Variants in DNAJC5B observed in about 807,000 individuals in gnomAD.
DNAJC5B encodes the protein DnaJ heat shock protein family (Hsp40) member C5 beta.
A neutral mutation model predicts 24.7 loss-of-function variants in DNAJC5B; 23 were observed. The ratio of observed to expected loss-of-function variants is 0.93; its 90% CI spans 0.67 to 1.32. The LOEUF (loss-of-function observed/expected upper bound fraction) is 1.32. DNAJC5B is among the 40% of genes most tolerant of loss of function. DNAJC5B has a pLI of 0.00. For missense variants in DNAJC5B, 238 were observed against 240.8 expected (o/e 0.99, Z 0.08); for synonymous variants, 101 against 90.1 (o/e 1.12, Z -0.68).
intron 1 of DNAJC5B, among the ~76,000 whole-genome samples, chr8:66,025,910 G>A (rs1806231177): frequency 1.0e-5 from 1 of 96,828 alleles, no homozygotes; most frequent in East Asian, 2.0e-4. Flanking sequence ...TGGCGATGCG[G>A]GCTCTTTTTT....
chr8:66,046,464 G>A (rs1037334670), intron 2 of DNAJC5B, among the ~76,000 whole-genome samples: 1 of 152,222 alleles, frequency 6.6e-6, no homozygotes, highest in Non-Finnish European at 1.5e-5. Context: ...AGGATTAGAT[G>A]AGATACTAGT....
intron 2 of DNAJC5B, among the ~76,000 whole-genome samples, chr8:66,044,167 A>T (rs906234784): frequency 3.3e-5 from 5 of 152,306 alleles, no homozygotes; most frequent in African/African-American, 1.2e-4. Flanking sequence ...GAGAATTATT[A>T]CTTTTAAACA....
At position 66,100,647 on chromosome 8, in the gene DNAJC5B, A is replaced by AAAAAC. The variant is rs950752654; in HGVS notation, c.*632_*636dup. 1.3e-5 allele frequency: 2 copies of AAAAAC among 152,226 alleles called. No individual in the cohort carries two copies. Among genetic ancestry groups the AAAAAC allele is most frequent in the African/African-American group, 4.8e-5 (2 of 41,456 alleles). 9.4% of individuals were successfully genotyped at this position (152,226 alleles called of 1,614,324 possible). The stretch of plus-strand genomic sequence containing the variant: ...TTTGTGTGTACTTTTAGATTGGCTT[A>AAAAAC]AAAACAAAACAAAACAAAACTTCAA... On this transcript the variant is annotated 3_prime_UTR_variant, in exon 6 of 6. Coordinates refer to ENST00000276570, the MANE Select transcript of DNAJC5B (RefSeq NM_033105.6).
chr8:66,021,385 G>A (rs953177), upstream of DNAJC5B, among the ~76,000 whole-genome samples: 27,273 of 152,178 alleles, frequency 0.18, 5,213 homozygotes, highest in African/African-American at 0.48. Flanking sequence ...GAATGGCAGA[G>A]CAAATGGAAA....
intron 2 of DNAJC5B, among the ~76,000 whole-genome samples, chr8:66,045,429 G>A (rs987531515): frequency 1.3e-5 from 2 of 152,178 alleles, no homozygotes; most frequent in African/African-American, 4.8e-5. Context: ...TTCATTTAGT[G>A]GGAATAGATT....
intron 1 of DNAJC5B, among the ~76,000 whole-genome samples, chr8:66,026,584 G>C (rs868620340): frequency 6.6e-6 from 1 of 152,220 alleles, no homozygotes; most frequent in East Asian, 1.9e-4. Context: ...TCTCCGACAC[G>C]CGCAGGACAC....
rs1169574713 is a variant in DNAJC5B at position 66,100,808 on chromosome 8, A to G, written c.*777A>G. On this transcript the variant is annotated 3_prime_UTR_variant, in exon 6 of 6. Transcript: ENST00000276570. Reference sequence around the variant, plus strand: ...AGCCAGACTAAGGGAAAAAAAACAGATGAAGGGGTAGAACTCTATACTCTA... The same window carrying G: ...AGCCAGACTAAGGGAAAAAAAACAGGTGAAGGGGTAGAACTCTATACTCTA... Among the ~76,000 whole-genome samples, 4 of 152,188 alleles carry G rather than the reference A, an allele frequency of 2.6e-5. No individual in the cohort carries two copies. The highest frequency in any genetic ancestry group is 2.9e-5 in the Non-Finnish European group (2 of 68,036).
At chr8:66,026,735 A>C (rs1259769674) in intron 1 of DNAJC5B, among the ~76,000 whole-genome samples, 4 of 152,232 alleles carry the variant, frequency 2.6e-5, no homozygotes, top group Non-Finnish European at 5.9e-5. Context: ...GCTGAGAAGG[A>C]GCTCTCCTGC....
At chr8:66,034,148 A>C (rs1274687715) in intron 1 of DNAJC5B, among the ~76,000 whole-genome samples, 2 of 149,798 alleles carry the variant, frequency 1.3e-5, no homozygotes, top group East Asian at 3.9e-4. Flanking sequence ...TTTGTTAACA[A>C]GGGAGTATTC....
At chr8:66,059,904 C>T (rs2128961171) in intron 3 of DNAJC5B, among the ~76,000 whole-genome samples, 1 of 152,340 alleles carries the variant, frequency 6.6e-6, no homozygotes, top group East Asian at 1.9e-4. Context: ...TGCTCCTTGC[C>T]AACCTCTCAG....
intron 1 of DNAJC5B, among the ~76,000 whole-genome samples, chr8:66,027,900 C>T (rs1382349591): frequency 6.6e-6 from 1 of 152,176 alleles, no homozygotes; most frequent in African/African-American, 2.4e-5. Context: ...GCACCTGGGA[C>T]TGTACTAGGC....
chr8:66,099,198 T>C (rs1808020483), intron 5 of DNAJC5B, among the ~76,000 whole-genome samples: 1 of 152,326 alleles, frequency 6.6e-6, no homozygotes, highest in African/African-American at 2.4e-5. Context: ...CATCTTGCAC[T>C]GGACCTCTTT....
chr8:66,019,035 G>A (rs774761916), upstream of DNAJC5B, among the ~76,000 whole-genome samples: 15 of 152,144 alleles, frequency 9.9e-5, no homozygotes, highest in Non-Finnish European at 2.1e-4. Flanking sequence ...TCTGCTACAG[G>A]TGTGCACCTG....
At chr8:66,062,506 C>T (rs1424464863) in intron 3 of DNAJC5B, among the ~76,000 whole-genome samples, 1 of 152,216 alleles carries the variant, frequency 6.6e-6, no homozygotes, top group Admixed American at 6.5e-5. Context: ...TTTTTATTTA[C>T]ACCAATACAT....
At chr8:66,093,226 A>G (rs1807883343) in intron 5 of DNAJC5B, among the ~76,000 whole-genome samples, 1 of 152,202 alleles carries the variant, frequency 6.6e-6, no homozygotes, top group Admixed American at 6.5e-5. Context: ...TTTCTGGTGC[A>G]TGAATGCTAG....
chr8:66,060,070 G>A (rs1206923349), intron 3 of DNAJC5B, among the ~76,000 whole-genome samples: 6 of 152,222 alleles, frequency 3.9e-5, no homozygotes, highest in African/African-American at 1.4e-4. Flanking sequence ...GATATGCTCT[G>A]TTAGAGCCCC....
chr8:66,042,619 T>TCTTCTCCTTCTC (rs1377072574), intron 1 of DNAJC5B, among the ~76,000 whole-genome samples: 4 of 147,802 alleles, frequency 2.7e-5, no homozygotes, highest in Admixed American at 2.0e-4. Flanking sequence ...TTCTTCTTCT[T>TCTTCTCCTTCTC]CTTCTCCTTC....
chr8:66,032,127 A>AT (rs1234781295), intron 1 of DNAJC5B, among the ~76,000 whole-genome samples: 1 of 152,274 alleles, frequency 6.6e-6, no homozygotes, highest in Non-Finnish European at 1.5e-5. Flanking sequence ...CACAGCTAGT[A>AT]AATGGCAGGG....
intron 4 of DNAJC5B, among the ~76,000 whole-genome samples, chr8:66,077,952 A>G (rs756815681): frequency 2.6e-5 from 4 of 152,186 alleles, no homozygotes; most frequent in Non-Finnish European, 5.9e-5. Context: ...TGGAATTTGG[A>G]ATGAGAGTGT....
Sources: gnomAD v4.1 joint callset for allele counts (sites outside exome capture counted in the v4.1 genomes callset) on GRCh38, gnomAD v4.1.1 for gene constraint, MANE v1.5 for transcripts, NCBI Gene and HGNC (gene_info 2026-07-23, HGNC 2026-07-21) for gene names.